The following CERS6 variants were observed in gnomAD, a reference collection of about 807,000 sequenced individuals.
The protein encoded by CERS6 is ceramide synthase 6.
A neutral mutation model predicts 56.8 loss-of-function variants in CERS6; 26 were observed. The observed-to-expected ratio is 0.46, with a 90% CI of 0.34 to 0.63. The LOEUF (loss-of-function observed/expected upper bound fraction) is 0.63. Among genes scored for constraint, CERS6 ranks in the 30% least tolerant of loss-of-function variants. The pLI is 0.01. For synonymous variants in CERS6, 164 were observed against 173.3 expected (o/e 0.95, Z 0.42); for missense variants, 415 against 467.5 (o/e 0.89, Z 1.04).
chr2:168,535,167 G>A (rs1283055073), intron 1 of CERS6, among the ~76,000 whole-genome samples: 2 of 152,210 alleles, frequency 1.3e-5, no homozygotes, highest in African/African-American at 4.8e-5. Context: ...CCCAGTGCTG[G>A]CTGCTGCCCC....
chr2:168,696,959 T>C (rs1435584372), intron 6 of CERS6, among the ~76,000 whole-genome samples: 7 of 152,198 alleles, frequency 4.6e-5, no homozygotes, highest in Admixed American at 4.6e-4. Context: ...ATCAGTTCCT[T>C]TACATTATGA....
chr2:168,562,777 C>T (rs190159667), intron 3 of CERS6, among the ~76,000 whole-genome samples: 238 of 152,290 alleles, frequency 1.6e-3, no homozygotes, highest in Non-Finnish European at 2.0e-3. Flanking sequence ...GTATCTCCAA[C>T]CTGGTGGATA....
intron 4 of CERS6, among the ~76,000 whole-genome samples, chr2:168,640,017 T>A (rs1684950454): frequency 6.6e-6 from 1 of 152,136 alleles, no homozygotes; most frequent in African/African-American, 2.4e-5. Context: ...AGGTGACCAT[T>A]TTGTGCCCAA....
At chr2:168,546,394 G>T (rs997567520) in intron 1 of CERS6, among the ~76,000 whole-genome samples, 4 of 152,094 alleles carry the variant, frequency 2.6e-5, no homozygotes, top group African/African-American at 9.7e-5. Context: ...CAGGTATTAC[G>T]GTGCATTTTC....
intron 1 of CERS6, among the ~76,000 whole-genome samples, chr2:168,473,973 G>C (rs1694023392): frequency 6.6e-6 from 1 of 152,176 alleles, no homozygotes; most frequent in Non-Finnish European, 1.5e-5. Flanking sequence ...CAGGAGGACT[G>C]TTTGAGGCTA....
chr2:168,574,410 GTGTGTC>G (rs1180377904), intron 3 of CERS6, among the ~76,000 whole-genome samples: 3 of 108,258 alleles, frequency 2.8e-5, no homozygotes, highest in African/African-American at 9.7e-5. Context: ...GTGTGTGTGT[GTGTGTC>G]AAGCATTTAC....
At chr2:168,571,102 A>G (rs933794398) in intron 3 of CERS6, among the ~76,000 whole-genome samples, 1 of 152,184 alleles carries the variant, frequency 6.6e-6, no homozygotes, top group African/African-American at 2.4e-5. Flanking sequence ...CAAGAGAATT[A>G]CATTTTAGAT....
intron 1 of CERS6, among the ~76,000 whole-genome samples, chr2:168,501,142 G>A (rs901169854): frequency 7.9e-5 from 12 of 152,262 alleles, no homozygotes; most frequent in African/African-American, 1.4e-4. Context: ...GTTCACTGTC[G>A]TTGTTGCCTT....
At chr2:168,625,092 C>G (rs1197814772) in intron 3 of CERS6, among the ~76,000 whole-genome samples, 1 of 152,128 alleles carries the variant, frequency 6.6e-6, no homozygotes, top group East Asian at 1.9e-4. Context: ...TACTTCACCT[C>G]TCTTCATGGA....
intron 1 of CERS6, among the ~76,000 whole-genome samples, chr2:168,529,689 G>A (rs2105361472): frequency 6.6e-6 from 1 of 152,282 alleles, no homozygotes; most frequent in South Asian, 2.1e-4. Context: ...TCAGTTTTTA[G>A]TTCAAGTTAC....
chr2:168,531,863 A>ACCTTCTG (rs1017041688), intron 1 of CERS6, among the ~76,000 whole-genome samples: 1 of 151,514 alleles, frequency 6.6e-6, no homozygotes, highest in African/African-American at 2.4e-5. Context: ...AGACGAGGGC[A>ACCTTCTG]CCTTCTGATG....
intron 8 of CERS6, among the ~76,000 whole-genome samples, chr2:168,744,825 T>A (rs1233862980): frequency 2.0e-5 from 3 of 152,186 alleles, no homozygotes; most frequent in Non-Finnish European, 2.9e-5. Flanking sequence ...AAATGAGTAC[T>A]GATGGGAAAT....
intron 1 of CERS6, among the ~76,000 whole-genome samples, chr2:168,507,493 A>T (rs568576850): frequency 6.6e-6 from 1 of 152,266 alleles, no homozygotes; most frequent in East Asian, 1.9e-4. Context: ...GAATGCTCAA[A>T]AATGATGCTG....
At chr2:168,612,751 T>C (rs1460040369) in intron 3 of CERS6, among the ~76,000 whole-genome samples, 1 of 152,242 alleles carries the variant, frequency 6.6e-6, no homozygotes, top group East Asian at 1.9e-4. Context: ...TGACAGTGCC[T>C]TAGGCCATCT....
Position 168,771,154 on chromosome 2 carries a change from G to C in CERS6, c.*1492G>C, listed in dbSNP as rs1005383542. 6.6e-6 allele frequency: 1 copy of C among 152,204 alleles called. No homozygotes were observed. The highest frequency in any genetic ancestry group is 1.5e-5 in the Non-Finnish European group (1 of 68,034). 9.4% of individuals were successfully genotyped at this position (152,204 alleles called of 1,614,324 possible). On this transcript the variant is annotated 3_prime_UTR_variant, in exon 10 of 10. Transcript: ENST00000305747. ...TAATATAAATGTGTGAATCAGGGCT[G>C]TGAAGACAACAGCAGAAATGCTAAC... is the stretch of plus-strand genomic sequence containing the variant.
At chr2:168,686,262 C>G (rs1686348885) in intron 4 of CERS6, among the ~76,000 whole-genome samples, 1 of 150,360 alleles carries the variant, frequency 6.7e-6, no homozygotes, top group Non-Finnish European at 1.5e-5. Context: ...GGAGAAATCT[C>G]TCTCTTCCTC....
chr2:168,547,445 C>A, intron 1 of CERS6, 151 bp from the exon 2 acceptor site: 1 of 561,552 alleles, frequency 1.8e-6, no homozygotes. Context: ...GTCTGCCTTA[C>A]AGTTACTGAC....
intron 4 of CERS6, among the ~76,000 whole-genome samples, chr2:168,660,616 TA>T (rs894479877): frequency 5.5e-4 from 81 of 147,826 alleles, no homozygotes; most frequent in Middle Eastern, 7.0e-3. Flanking sequence ...TCACTGGAAT[TA>T]AAAAAAAAAA....
At chr2:168,542,913 T>A (rs1166509054) in intron 1 of CERS6, among the ~76,000 whole-genome samples, 5 of 152,150 alleles carry the variant, frequency 3.3e-5, no homozygotes, top group Non-Finnish European at 7.4e-5. Context: ...GCCAGGCTGG[T>A]CTTGAACTCC....
Sources: allele counts gnomAD v4.1 joint callset (sites outside exome capture counted in the v4.1 genomes callset), GRCh38; gene constraint gnomAD v4.1.1; transcripts MANE v1.5; gene names NCBI Gene and HGNC (gene_info 2026-07-23, HGNC 2026-07-21).